The following WSCD2 variants were observed in gnomAD, a reference collection of about 807,000 sequenced individuals.
WSCD2 encodes sialate:O-sulfotransferase 2.
In WSCD2, 28 loss-of-function variants were observed where a neutral mutation model predicts 55.7. The observed-to-expected ratio is 0.50, with a 90% confidence interval of 0.37 to 0.69. The LOEUF is 0.69. Among genes scored for constraint, WSCD2 ranks in the 30% least tolerant of loss-of-function variants. The pLI is 0.00. For missense variants in WSCD2, 616 were observed against 762.1 expected, an observed-to-expected ratio of 0.81 and a Z score of 2.26; for synonymous variants, 301 against 301.9, an observed-to-expected ratio of 1.00 and a Z score of 0.03.
At chr12:108,166,745 CTTCT>C (rs966308516) in intron 1 of WSCD2, among the ~76,000 whole-genome samples, 30 of 49,474 alleles carry the variant, frequency 6.1e-4, no homozygotes, top group East Asian at 4.7e-3. Flanking sequence ...TCTTTCTTTC[CTTCT>C]TTCTTTCTTT....
chr12:108,239,616 C>T (rs897188662), intron 7 of WSCD2, among the ~76,000 whole-genome samples: 1 of 152,216 alleles, frequency 6.6e-6, no homozygotes, highest in Admixed American at 6.5e-5. Context: ...CATGGCCATG[C>T]CCATCATCAG....
intron 1 of WSCD2, among the ~76,000 whole-genome samples, chr12:108,181,041 G>A (rs1042336608): frequency 6.6e-6 from 1 of 152,212 alleles, no homozygotes; most frequent in Non-Finnish European, 1.5e-5. Context: ...AACCTTAGTG[G>A]TCATCTGATT....
rs547618056 is a variant in WSCD2, at chr12:108,168,087, T to C, written c.-551-27195T>C. 1.9e-4 allele frequency among the ~76,000 whole-genome samples: 29 copies of C among 152,330 alleles called. 2 individuals carry two copies. In the South Asian group the frequency reaches 5.8e-3, roughly 30 times the overall value. The stretch of plus-strand genomic sequence containing the variant: ...TCTCTCTCTTTCTGTCTCAACTCAT[T>C]CTTGTGCCACATTGCCTGAAAATAA... On this transcript the variant is annotated intron_variant, in intron 1 of 8. Coordinates refer to ENST00000547525, the MANE Select transcript of WSCD2 (RefSeq NM_014653.4).
intron 5 of WSCD2, among the ~76,000 whole-genome samples, chr12:108,225,631 C>T (rs1236116895): frequency 6.6e-6 from 1 of 152,074 alleles, no homozygotes; most frequent in Non-Finnish European, 1.5e-5. Context: ...CACTGGATAG[C>T]ACTTGGGTTG....
chr12:108,138,442 G>A (rs1357234528), intron 1 of WSCD2, among the ~76,000 whole-genome samples: 1 of 152,208 alleles, frequency 6.6e-6, no homozygotes, highest in Non-Finnish European at 1.5e-5. Flanking sequence ...CTTATAGGCT[G>A]TGTAATCTTG....
Position 108,194,927 on chromosome 12 carries a change from C to T in WSCD2, c.-551-355C>T, listed in dbSNP as rs74864224. The stretch of plus-strand genomic sequence containing the variant: ...CAGCAAGGACCTTGAAAGTACTTTT[C>T]AGACTTAAGGTAATCCTTGGATCAG... On this transcript the variant is annotated intron_variant, in intron 1 of 8. Coordinates refer to ENST00000547525, the MANE Select transcript of WSCD2 (RefSeq NM_014653.4). Among the ~76,000 whole-genome samples the T allele has an allele frequency of 1.5e-3, 223 of 152,262 alleles. 2 individuals are homozygous for T. The highest frequency in any genetic ancestry group is 5.0e-3 in the African/African-American group (209 of 41,548).
Position 108,210,325 on chromosome 12 carries a change from C to G in WSCD2, c.682+20C>G, listed in dbSNP as rs766291537. 1.9e-6 allele frequency: 3 copies of G among 1,548,992 alleles called. No homozygotes were observed. The South Asian group carries it at 3.5e-5, about 18-fold the overall frequency. ...GCAGGTGTACGTGAGTCTGCCCTGC[C>G]CCTCTCTGCTGCTCCTCCCTCAGCT... On this transcript the variant is annotated intron_variant, in intron 4 of 8. Transcript: ENST00000547525. The surrounding 1 kb of genome is among the most constrained non-coding windows in gnomAD (Gnocchi z 4.3).
intron 1 of WSCD2, among the ~76,000 whole-genome samples, chr12:108,192,637 TC>T (rs987413617): frequency 1.3e-5 from 2 of 152,206 alleles, no homozygotes; most frequent in African/African-American, 4.8e-5. Context: ...TTGGCTGTGT[TC>T]CCAGCCCACA....
At chr12:108,136,414 T>G (rs575097068) in intron 1 of WSCD2, among the ~76,000 whole-genome samples, 2 of 150,988 alleles carry the variant, frequency 1.3e-5, no homozygotes, top group Admixed American at 1.3e-4. Flanking sequence ...TTCCATTTTC[T>G]TTTCTAATTG....
chr12:108,146,980 A>G (rs1877459699), intron 1 of WSCD2, among the ~76,000 whole-genome samples: 1 of 152,270 alleles, frequency 6.6e-6, no homozygotes, highest in African/African-American at 2.4e-5. Context: ...TTAAACAGAT[A>G]GTAATTGAGC....
At chr12:108,209,126 T>C (rs560067478) in intron 3 of WSCD2, among the ~76,000 whole-genome samples, 1 of 152,304 alleles carries the variant, frequency 6.6e-6, no homozygotes, top group African/African-American at 2.4e-5. Context: ...CAGAGTGGGG[T>C]AGCCACTAAG....
intron 1 of WSCD2, among the ~76,000 whole-genome samples, chr12:108,194,085 A>G (rs954428698): frequency 6.6e-6 from 1 of 152,112 alleles, no homozygotes; most frequent in Non-Finnish European, 1.5e-5. Context: ...TCTGTTTTCT[A>G]ATTTACATTC....
At chr12:108,183,949 A>G (rs978157209) in intron 1 of WSCD2, among the ~76,000 whole-genome samples, 1 of 152,218 alleles carries the variant, frequency 6.6e-6, no homozygotes. Context: ...GCAATGGCAC[A>G]GGGTACATGG....
chr12:108,173,404 T>G (rs1880435490), intron 1 of WSCD2, among the ~76,000 whole-genome samples: 1 of 152,204 alleles, frequency 6.6e-6, no homozygotes, highest in Non-Finnish European at 1.5e-5. Context: ...GCTCTTCAGC[T>G]GCTCAGCAGG....
At chr12:108,240,282 T>A (rs956347091) in intron 7 of WSCD2, 62 bp from the exon 8 acceptor site, 4 of 1,593,364 alleles carry the variant, frequency 2.5e-6, no homozygotes, top group Non-Finnish European at 3.4e-6. Context: ...CAGAAGAGAG[T>A]GGGGTGGGCT....
chr12:108,184,788 C>A (rs114333777), intron 1 of WSCD2, among the ~76,000 whole-genome samples: 3 of 152,174 alleles, frequency 2.0e-5, no homozygotes, highest in Non-Finnish European at 4.4e-5. Context: ...CAGGTCTATG[C>A]GAGACATTTT....
chr12:108,171,323 G>A (rs1274121920), intron 1 of WSCD2, among the ~76,000 whole-genome samples: 1 of 64,538 alleles, frequency 1.5e-5, no homozygotes, highest in Admixed American at 1.4e-4. Flanking sequence ...ATGGATGGAG[G>A]AACGAAGAAG....
intron 1 of WSCD2, among the ~76,000 whole-genome samples, chr12:108,193,299 T>G (rs1883420550): frequency 6.6e-6 from 1 of 152,256 alleles, no homozygotes; most frequent in African/African-American, 2.4e-5. Context: ...AGCATAGTGA[T>G]TGTTTACATT....
intron 4 of WSCD2, among the ~76,000 whole-genome samples, chr12:108,224,416 T>C (rs1225408143): frequency 6.6e-6 from 1 of 152,038 alleles, no homozygotes; most frequent in Admixed American, 6.5e-5. Flanking sequence ...ATTGCCATGG[T>C]TGGGAATGAG....
Sources: allele counts gnomAD v4.1 joint callset (sites outside exome capture counted in the v4.1 genomes callset), GRCh38; gene constraint gnomAD v4.1.1; non-coding constraint Gnocchi (gnomAD v3.1); transcripts MANE v1.5; gene names NCBI Gene and HGNC (gene_info 2026-07-23, HGNC 2026-07-21).